UXS1: variants seen among roughly 807,000 people sequenced by gnomAD.
UXS1 encodes the protein UDP-glucuronic acid decarboxylase 1.
Under a neutral mutation model 62.6 loss-of-function variants are expected in UXS1, and 33 were observed. The observed-to-expected ratio is 0.53, with a 90% CI of 0.40 to 0.70. The LOEUF is 0.70. Among genes scored for constraint, UXS1 ranks in the 30% least tolerant of loss-of-function variants. UXS1 has a pLI of 0.00. For synonymous variants in UXS1, 213 were observed against 206.8 expected, an observed-to-expected ratio of 1.03 and a Z score of -0.26; for missense variants, 434 against 556.3, an observed-to-expected ratio of 0.78 and a Z score of 2.21.
chr2:106,164,833 ACTTT>A (rs1683114975), intron 2 of UXS1, 34 bp from the exon 3 acceptor site: 1 of 1,493,898 alleles, frequency 6.7e-7, no homozygotes, highest in Non-Finnish European at 9.0e-7. Flanking sequence ...AGGCTTTGTG[ACTTT>A]AAGACTGTTT....
At chr2:106,184,910 GC>G (rs1197156249) in intron 1 of UXS1, among the ~76,000 whole-genome samples, 1 of 152,130 alleles carries the variant, frequency 6.6e-6, no homozygotes, top group Non-Finnish European at 1.5e-5. Flanking sequence ...GGCCACACGG[GC>G]CAACCCCAAA....
intron 1 of UXS1, among the ~76,000 whole-genome samples, chr2:106,188,694 A>G (rs911701275): frequency 3.9e-5 from 6 of 152,186 alleles, no homozygotes; most frequent in Admixed American, 3.3e-4. Context: ...CCGCAGCACT[A>G]AGGTCAGAAG....
chr2:106,101,062 T>C lies in UXS1; in HGVS notation c.980A>G (p.Asn327Ser), dbSNP rs1242565591. The change falls in exon 12 of 15, where the codon AAC becomes AGC. Residue 327 changes from asparagine to serine, a missense_variant. Coordinates refer to ENST00000283148, the MANE Select transcript of UXS1 (RefSeq NM_001253875.2). Reference sequence around the variant, plus strand: ...TGGAGGGAGAGGAGCACTCACCAGGTTGACCGGGCTGCTGACGTTGCTGTT... The same window carrying C: ...TGGAGGGAGAGGAGCACTCACCAGGCTGACCGGGCTGCTGACGTTGCTGTT... ...LMNSNVSSPV[N>S]LGNPEEHTIL... The C allele has an allele frequency of 6.2e-7, 1 of 1,613,696 alleles. No homozygotes were observed. The highest frequency in any genetic ancestry group is 1.3e-5 in the African/African-American group (1 of 74,852).
At position 106,096,806 on chromosome 2, in the gene UXS1, A is replaced by G; in HGVS notation, c.1058T>C (p.Ile353Thr). 6.3e-7 allele frequency: 1 copy of G among 1,588,698 alleles called. No individual in the cohort carries two copies. Among genetic ancestry groups the G allele is most frequent in the Non-Finnish European group, 8.6e-7 (1 of 1,165,970 alleles). ...IKNLVGSGSE[I>T]QFLSEAQDDP... ...ATCCTGGGCTTCGGAGAGAAACTGA[A>G]TTTCACTTCCGCTACCTGAGATGTT... The change falls in exon 14 of 15, where the codon ATT (isoleucine) becomes ACT (threonine). Residue 353 changes from isoleucine (I) to threonine (T), a missense_variant. By Grantham distance (89) the Ile-to-Thr change is moderately conservative. Coordinates refer to ENST00000283148, the MANE Select transcript of UXS1 (RefSeq NM_001253875.2).
chr2:106,159,912 A>G (rs1400596965), intron 4 of UXS1: 1 of 152,216 alleles, frequency 6.6e-6, no homozygotes, highest in East Asian at 1.9e-4. Flanking sequence ...CAGGGTCTCA[A>G]AAGCTCAAGT....
At chr2:106,125,724 G>T in intron 7 of UXS1, 45 bp from the exon 8 acceptor site, 1 of 1,494,276 alleles carries the variant, frequency 6.7e-7, no homozygotes, top group Non-Finnish European at 9.0e-7. Flanking sequence ...ATTTACATGT[G>T]CAGGCACATT....
At chr2:106,100,789 A>C (rs1677525736) in intron 12 of UXS1, 1 of 436,476 alleles carries the variant, frequency 2.3e-6, no homozygotes, top group Non-Finnish European at 4.1e-6. Flanking sequence ...ACCTACTACC[A>C]CCAAAAGGCT....
At chr2:106,137,441 G>A (rs1558711863) in intron 6 of UXS1, among the ~76,000 whole-genome samples, 1 of 152,144 alleles carries the variant, frequency 6.6e-6, no homozygotes, top group Non-Finnish European at 1.5e-5. Flanking sequence ...TGCCTCCTCT[G>A]AAGATTCCTC....
chr2:106,146,989 C>T (rs909317297), intron 5 of UXS1, among the ~76,000 whole-genome samples: 1 of 151,872 alleles, frequency 6.6e-6, no homozygotes, highest in Non-Finnish European at 1.5e-5. Context: ...CCCGTCTCTA[C>T]TAAAAATACA....
chr2:106,112,568 T>G, intron 10 of UXS1, 78 bp downstream of exon 10: 13 of 1,563,326 alleles, frequency 8.3e-6, no homozygotes, highest in Non-Finnish European at 1.0e-5. Flanking sequence ...TGAACCAAGA[T>G]GCACTTATCC....
At chr2:106,124,357 C>T (rs746863490) in intron 8 of UXS1, among the ~76,000 whole-genome samples, 11 of 152,182 alleles carry the variant, frequency 7.2e-5, no homozygotes, top group Non-Finnish European at 1.3e-4. Context: ...GGATGCCAAG[C>T]TTCTAAATAA....
chr2:106,163,246 G>C (rs1683011451), intron 4 of UXS1, among the ~76,000 whole-genome samples: 1 of 152,178 alleles, frequency 6.6e-6, no homozygotes, highest in South Asian at 2.1e-4. Context: ...ACCTCCTCAT[G>C]AACTCTGGTG....
chr2:106,146,535 T>C (rs1573507462), intron 5 of UXS1, among the ~76,000 whole-genome samples: 1 of 151,834 alleles, frequency 6.6e-6, no homozygotes, highest in African/African-American at 2.4e-5. Flanking sequence ...TCCCAGCACT[T>C]TGGGAGGCCG....
At chr2:106,150,059 CTG>C (rs1368919347) in intron 5 of UXS1, among the ~76,000 whole-genome samples, 3 of 152,168 alleles carry the variant, frequency 2.0e-5, no homozygotes, top group Admixed American at 1.3e-4. Context: ...TGAAATGTGT[CTG>C]TGTCCTCTGG....
intron 6 of UXS1, among the ~76,000 whole-genome samples, chr2:106,142,675 G>A (rs958280830): frequency 2.6e-5 from 4 of 152,310 alleles, no homozygotes; most frequent in South Asian, 4.1e-4. Flanking sequence ...CAGAAAGAGT[G>A]AAGAGATGGA....
chr2:106,148,675 T>C (rs1387395837), intron 5 of UXS1, among the ~76,000 whole-genome samples: 1 of 152,226 alleles, frequency 6.6e-6, no homozygotes, highest in African/African-American at 2.4e-5. Flanking sequence ...TATAGCTGGA[T>C]GGTTATGCAA....
chr2:106,159,883 T>C (rs1682752992), intron 4 of UXS1: 1 of 152,192 alleles, frequency 6.6e-6, no homozygotes. Context: ...TGCAGACGAA[T>C]TCCCCCATTA....
chr2:106,104,838 C>T lies in UXS1; in HGVS notation c.880-1G>A. ...TTGTCTGAGACCCGGATCCGTATAC[C>T]TGGAAGGAAACCAACAGTTAGGCCT... On this transcript the variant is annotated splice_acceptor_variant, in intron 10 of 14. Transcript: ENST00000283148. LOFTEE classifies it high-confidence loss of function. The T allele has an allele frequency of 6.2e-7, 1 of 1,613,956 alleles. No individual in the cohort carries two copies. Among genetic ancestry groups the T allele is most frequent in the Non-Finnish European group, 8.5e-7 (1 of 1,179,882 alleles).
chr2:106,122,286 C>T (rs536687058), intron 9 of UXS1, among the ~76,000 whole-genome samples: 47 of 152,326 alleles, frequency 3.1e-4, no homozygotes, highest in Middle Eastern at 3.4e-3. Context: ...ATGGGATATC[C>T]TGTGCCCAGG....
Sources: allele counts gnomAD v4.1 joint callset (sites outside exome capture counted in the v4.1 genomes callset), GRCh38; gene constraint gnomAD v4.1.1; transcripts MANE v1.5; gene names NCBI Gene and HGNC (gene_info 2026-07-23, HGNC 2026-07-21).